TNFAIP8: variants seen among roughly 807,000 people sequenced by gnomAD.
The protein encoded by TNFAIP8 is TNF alpha induced protein 8, also known as tumor necrosis factor alpha-induced protein 8.
A neutral mutation model predicts 13.3 loss-of-function variants in TNFAIP8; 7 were observed. The observed-to-expected ratio is 0.52, with a 90% CI of 0.30 to 0.99. The LOEUF is 0.99. Among genes scored for constraint, TNFAIP8 ranks in the 50% least tolerant of loss-of-function variants. The pLI is 0.07. For synonymous variants in TNFAIP8, 94 were observed against 87.6 expected (o/e 1.07, Z -0.41); for missense variants, 258 against 236.9 (o/e 1.09, Z -0.58).
At position 119,393,532 on chromosome 5, in the gene TNFAIP8, A is replaced by T. The variant is rs1474350357; in HGVS notation, c.*151A>T. On this transcript the variant is annotated 3_prime_UTR_variant, in exon 2 of 2. Transcript: ENST00000504771. ...TTGTCAGACATAATGATTTATTTGA[A>T]GGCTTGTTTTATTTGAAGAAAAGCA... The T allele has an allele frequency of 3.4e-6, 3 of 870,152 alleles. No homozygotes were observed. Among genetic ancestry groups the T allele is most frequent in the African/African-American group, 1.7e-5 (1 of 58,806 alleles). 53.9% of individuals were successfully genotyped at this position (870,152 alleles called of 1,614,324 possible).
upstream of TNFAIP8, among the ~76,000 whole-genome samples, chr5:119,352,554 A>G (rs1263385166): frequency 6.6e-6 from 1 of 152,178 alleles, no homozygotes; most frequent in Non-Finnish European, 1.5e-5. Context: ...TGTGAGTGGA[A>G]TATTTGATAC....
At chr5:119,360,969 C>T (rs1261838140) in intron 1 of TNFAIP8, among the ~76,000 whole-genome samples, 2 of 152,194 alleles carry the variant, frequency 1.3e-5, no homozygotes. Flanking sequence ...AAACAGTGAG[C>T]TCACTTGTTT....
At chr5:119,365,654 T>C (rs1031310182) in intron 1 of TNFAIP8, among the ~76,000 whole-genome samples, 1 of 152,198 alleles carries the variant, frequency 6.6e-6, no homozygotes, top group Non-Finnish European at 1.5e-5. Flanking sequence ...TGTAAAGTTG[T>C]TTGATAGCAA....
chr5:119,334,639 G>GTGTA (rs1750491743), intron 1 of TNFAIP8, among the ~76,000 whole-genome samples: 1 of 150,196 alleles, frequency 6.7e-6, no homozygotes, highest in Admixed American at 6.7e-5. Flanking sequence ...GTGTGTGTGT[G>GTGTA]TGTGTGTGTG....
At chr5:119,277,771 A>C (rs1194585119) in intron 1 of TNFAIP8, among the ~76,000 whole-genome samples, 1 of 152,214 alleles carries the variant, frequency 6.6e-6, no homozygotes, top group Non-Finnish European at 1.5e-5. Context: ...TGGGAATTCA[A>C]GATCAGGGCA....
intron 1 of TNFAIP8, among the ~76,000 whole-genome samples, chr5:119,360,099 A>G (rs1470927754): frequency 1.3e-5 from 2 of 152,142 alleles, no homozygotes; most frequent in Non-Finnish European, 2.9e-5. Flanking sequence ...TGAAATTTTT[A>G]TCATATTGAA....
chr5:119,336,766 C>G (rs992013491), intron 1 of TNFAIP8, among the ~76,000 whole-genome samples: 1 of 152,134 alleles, frequency 6.6e-6, no homozygotes. Flanking sequence ...CAGTATCACC[C>G]CCTCACCCTG....
intron 1 of TNFAIP8, among the ~76,000 whole-genome samples, chr5:119,308,516 A>C (rs1011461777): frequency 1.3e-5 from 2 of 151,412 alleles, no homozygotes; most frequent in African/African-American, 2.4e-5. Context: ...AGGAGGTCTT[A>C]AACAGTTGGC....
At chr5:119,287,293 T>TG (rs1554167963) in intron 1 of TNFAIP8, among the ~76,000 whole-genome samples, 101 of 138,322 alleles carry the variant, frequency 7.3e-4, no homozygotes, top group South Asian at 2.7e-3. Context: ...TTTTTTTTTT[T>TG]TTTTTTTGCT....
chr5:119,356,749 C>T (rs796834001), intron 1 of TNFAIP8, among the ~76,000 whole-genome samples: 3 of 151,790 alleles, frequency 2.0e-5, no homozygotes, highest in African/African-American at 7.2e-5. Context: ...CAAAGGGTTT[C>T]ATTTACTCCT....
At chr5:119,366,171 G>T (rs1751845940) in intron 1 of TNFAIP8, among the ~76,000 whole-genome samples, 1 of 151,938 alleles carries the variant, frequency 6.6e-6, no homozygotes, top group Non-Finnish European at 1.5e-5. Context: ...AGTAATATGT[G>T]CAAAACTTAA....
At chr5:119,281,311 C>CTCTCTCTG (rs1748622175) in intron 1 of TNFAIP8, among the ~76,000 whole-genome samples, 1 of 151,250 alleles carries the variant, frequency 6.6e-6, no homozygotes, top group South Asian at 2.1e-4. Context: ...CACACACTCT[C>CTCTCTCTG]TCTCTCTCAC....
intron 1 of TNFAIP8, among the ~76,000 whole-genome samples, chr5:119,375,721 T>A (rs1752253235): frequency 6.6e-6 from 1 of 152,212 alleles, no homozygotes; most frequent in South Asian, 2.1e-4. Flanking sequence ...TGGGAGGCTC[T>A]ATTAAATTTT....
At chr5:119,353,912 T>C (rs1209396887), upstream of TNFAIP8, among the ~76,000 whole-genome samples, 1 of 152,248 alleles carries the variant, frequency 6.6e-6, no homozygotes, top group Non-Finnish European at 1.5e-5. Flanking sequence ...ACCCCAATTA[T>C]AGATCAGTGG....
At chr5:119,279,130 C>G (rs1444936556) in intron 1 of TNFAIP8, among the ~76,000 whole-genome samples, 1 of 152,166 alleles carries the variant, frequency 6.6e-6, no homozygotes, top group African/African-American at 2.4e-5. Flanking sequence ...CAGGAGGAAT[C>G]TATGAGAAAG....
intron 1 of TNFAIP8, among the ~76,000 whole-genome samples, chr5:119,273,657 C>T (rs915611632): frequency 6.6e-6 from 1 of 152,358 alleles, no homozygotes; most frequent in Non-Finnish European, 1.5e-5. Context: ...CCTTTCACAA[C>T]TCCCATGTTT....
At chr5:119,374,820 C>T (rs1752220743) in intron 1 of TNFAIP8, among the ~76,000 whole-genome samples, 1 of 152,144 alleles carries the variant, frequency 6.6e-6, no homozygotes, top group African/African-American at 2.4e-5. Context: ...AGATTTTTTT[C>T]TGAGAAGCCA....
intron 1 of TNFAIP8, among the ~76,000 whole-genome samples, chr5:119,364,192 T>C (rs1751742798): frequency 6.6e-6 from 1 of 152,294 alleles, no homozygotes; most frequent in East Asian, 1.9e-4. Flanking sequence ...CTGCTAACCA[T>C]TCCCCATTCT....
At chr5:119,289,143 G>A (rs1180688303) in intron 1 of TNFAIP8, among the ~76,000 whole-genome samples, 1 of 152,314 alleles carries the variant, frequency 6.6e-6, no homozygotes, top group East Asian at 1.9e-4. Context: ...AGGAATTAGT[G>A]TATTTTATAT....
Sources: gnomAD v4.1 joint callset for allele counts (sites outside exome capture counted in the v4.1 genomes callset) on GRCh38, gnomAD v4.1.1 for gene constraint, MANE v1.5 for transcripts, NCBI Gene and HGNC (gene_info 2026-07-23, HGNC 2026-07-21) for gene names.